The following GDPD5 variants were observed in gnomAD, a reference collection of about 807,000 sequenced individuals.
The protein encoded by GDPD5 is glycerophosphodiester phosphodiesterase 2.
A neutral mutation model predicts 75.1 loss-of-function variants in GDPD5; 48 were observed. The ratio of observed to expected loss-of-function variants is 0.64; its 90% confidence interval spans 0.51 to 0.81. GDPD5 has a LOEUF of 0.81. Ranked by LOEUF, GDPD5 falls within the 40% of genes least tolerant of loss-of-function variation. The pLI, the probability that GDPD5 is intolerant of heterozygous loss-of-function variation, is 0.00. For missense variants in GDPD5, 706 were observed against 822.6 expected, an observed-to-expected ratio of 0.86 and a Z score of 1.73; for synonymous variants, 336 against 339.0, an observed-to-expected ratio of 0.99 and a Z score of 0.10.
intron 1 of GDPD5, among the ~76,000 whole-genome samples, chr11:75,516,930 A>C (rs187239399): frequency 6.6e-6 from 1 of 152,230 alleles, no homozygotes; most frequent in Non-Finnish European, 1.5e-5. Context: ...AAGCCCTGAG[A>C]ATGACCTTGT....
At position 75,441,651 on chromosome 11, in the gene GDPD5, C is replaced by G; in HGVS notation, c.1320G>C (p.Glu440Asp). The G allele has an allele frequency of 6.3e-7, 1 of 1,577,472 alleles. No homozygotes were observed. Residue 440 changes from glutamate (E) to aspartate (D), a missense_variant, in exon 13 of 17, where the codon GAG becomes GAC. Physicochemically the swap from Glu to Asp is conservative, Grantham distance 45 (BLOSUM62 2). Transcript: ENST00000336898. ...NLRYTQVSRQ[E>D]LRDYASWNLS... is the part of the protein sequence containing the mutation. ...GCCCAGGGCAGGGCAGGCACCTGAG[C>G]TCCTGGCGGGACACCTGAGTGTAGC... is the stretch of plus-strand genomic sequence containing the variant.
intron 1 of GDPD5, among the ~76,000 whole-genome samples, chr11:75,513,864 C>G (rs894352297): frequency 1.3e-5 from 2 of 152,236 alleles, no homozygotes; most frequent in Non-Finnish European, 2.9e-5. Flanking sequence ...GTGCTCCACT[C>G]CTGCTGAGGA....
intron 2 of GDPD5, among the ~76,000 whole-genome samples, chr11:75,483,033 CG>C (rs1565206610): frequency 1.3e-5 from 2 of 152,196 alleles, no homozygotes; most frequent in African/African-American, 4.8e-5. Context: ...ATCTCTGAGA[CG>C]GGACTCTCTC....
chr11:75,460,501 G>A (rs1480386839), intron 4 of GDPD5, among the ~76,000 whole-genome samples: 2 of 152,066 alleles, frequency 1.3e-5, no homozygotes, highest in Admixed American at 6.6e-5. Flanking sequence ...GGGGTAAAAT[G>A]TGATCTCGGC....
intron 1 of GDPD5, among the ~76,000 whole-genome samples, chr11:75,509,900 G>C (rs991858576): frequency 6.6e-6 from 1 of 152,130 alleles, no homozygotes; most frequent in Non-Finnish European, 1.5e-5. Context: ...GGCTGGTCTC[G>C]AACTCCTGAC....
At chr11:75,473,083 G>A (rs1048466161) in intron 3 of GDPD5, among the ~76,000 whole-genome samples, 3 of 151,970 alleles carry the variant, frequency 2.0e-5, no homozygotes, top group East Asian at 1.9e-4. Flanking sequence ...CTGTGGATGC[G>A]GAGAAGCTCA....
At chr11:75,475,344 C>T (rs746269984) in intron 3 of GDPD5, among the ~76,000 whole-genome samples, 2 of 152,092 alleles carry the variant, frequency 1.3e-5, no homozygotes, top group African/African-American at 2.4e-5. Context: ...CTGGAAGAGC[C>T]GTCTCCACCA....
chr11:75,467,475 C>A (rs1381406700), intron 3 of GDPD5, among the ~76,000 whole-genome samples: 4 of 152,116 alleles, frequency 2.6e-5, no homozygotes, highest in Admixed American at 2.0e-4. Context: ...TGAGACAGGG[C>A]AACAGAGGGG....
intron 1 of GDPD5, among the ~76,000 whole-genome samples, chr11:75,496,779 C>CTTTTT (rs544914858): frequency 2.5e-3 from 263 of 103,212 alleles, no homozygotes; most frequent in Middle Eastern, 9.3e-3. Flanking sequence ...TTCTTTCTTT[C>CTTTTT]TTTTTTTTTT....
intron 2 of GDPD5, among the ~76,000 whole-genome samples, chr11:75,480,695 A>C (rs905301852): frequency 1.3e-5 from 2 of 152,208 alleles, no homozygotes; most frequent in African/African-American, 4.8e-5. Context: ...ATACCCACGC[A>C]GGTTGGCTCC....
At chr11:75,492,061 C>T (rs1164104061) in intron 1 of GDPD5, among the ~76,000 whole-genome samples, 1 of 152,180 alleles carries the variant, frequency 6.6e-6, no homozygotes, top group African/African-American at 2.4e-5. Flanking sequence ...AGGAAAGTAC[C>T]GCAGAGTCTC....
At chr11:75,491,636 A>G (rs1950111876) in intron 1 of GDPD5, among the ~76,000 whole-genome samples, 1 of 152,232 alleles carries the variant, frequency 6.6e-6, no homozygotes, top group Admixed American at 6.5e-5. Flanking sequence ...TACACAAGTT[A>G]GAATCTTGGC....
At chr11:75,455,232 G>A in intron 6 of GDPD5, 2 of 451,390 alleles carry the variant, frequency 4.4e-6, no homozygotes, top group Non-Finnish European at 8.9e-6. Flanking sequence ...GGCCCCAGAA[G>A]GTGACCACAG....
chr11:75,468,998 G>C (rs1471306952), intron 3 of GDPD5, among the ~76,000 whole-genome samples: 1 of 152,228 alleles, frequency 6.6e-6, no homozygotes, highest in Non-Finnish European at 1.5e-5. Context: ...GCCAAATCCA[G>C]GATCGTTCCT....
chr11:75,521,500 A>C (rs1346942465), intron 1 of GDPD5, among the ~76,000 whole-genome samples: 1 of 152,216 alleles, frequency 6.6e-6, no homozygotes, highest in Non-Finnish European at 1.5e-5. Flanking sequence ...TTGTGTGAAC[A>C]AGAGTGTCTA....
In GDPD5 at chr11:75,442,424, CG is replaced by C; in HGVS notation, c.1105del (p.Arg369AlafsTer7). The C allele has an allele frequency of 6.2e-7, 1 of 1,606,800 alleles. No homozygotes were observed. Among genetic ancestry groups the C allele is most frequent in the African/African-American group, 1.3e-5 (1 of 74,870 alleles). ...CAGAGTCACGTTGATAAAACTGCTG[CG>C]GTAGGGGTGCTCCCGGGGCGGGTCA... is the stretch of plus-strand genomic sequence containing the variant. ...LRDPPREHPY[R>X]SSFINVTLEA... On this transcript the variant is annotated frameshift_variant, in exon 12 of 17. Coordinates refer to ENST00000336898, the MANE Select transcript of GDPD5 (RefSeq NM_030792.8). LOFTEE classifies it high-confidence loss of function.
intron 1 of GDPD5, among the ~76,000 whole-genome samples, 161 bp downstream of exon 1, chr11:75,525,049 C>T (rs906585310): frequency 4.6e-5 from 7 of 152,146 alleles, no homozygotes; most frequent in Non-Finnish European, 1.0e-4. Context: ...ACACAATGGG[C>T]GCTCAATAAG....
intron 15 of GDPD5, 152 bp downstream of exon 15, chr11:75,439,727 G>A (rs1948732334): frequency 7.4e-6 from 5 of 671,998 alleles, no homozygotes; most frequent in South Asian, 6.5e-5. Flanking sequence ...CTGTCTGAGG[G>A]AGGATGGGGC....
In GDPD5 at chr11:75,444,509, G is replaced by A. The variant is rs1204813281; in HGVS notation, c.715-14C>T. On this transcript the variant is annotated splice_polypyrimidine_tract_variant and intron_variant, in intron 9 of 16. Transcript: ENST00000336898. Reference sequence around the variant, plus strand: ...CTCTGGAGCCAGCTGGGGAAGAAGGGGTGGTGAAGGGAGAGCCAAGATTCA... The same window carrying A: ...CTCTGGAGCCAGCTGGGGAAGAAGGAGTGGTGAAGGGAGAGCCAAGATTCA... The A allele has an allele frequency of 6.2e-7, 1 of 1,602,192 alleles. No homozygotes were observed. The highest frequency in any genetic ancestry group is 1.7e-5 in the Admixed American group (1 of 59,994).
Sources: allele counts gnomAD v4.1 joint callset (sites outside exome capture counted in the v4.1 genomes callset), GRCh38; gene constraint gnomAD v4.1.1; transcripts MANE v1.5; gene names NCBI Gene and HGNC (gene_info 2026-07-23, HGNC 2026-07-21).